The following PKHD1 variants were observed in gnomAD, a reference collection of about 807,000 sequenced individuals.
The protein encoded by PKHD1 is PKHD1 ciliary IPT domain containing fibrocystin/polyductin.
Under a neutral mutation model 412.0 loss-of-function variants are expected in PKHD1, and 291 were observed. The ratio of observed to expected loss-of-function variants is 0.71; its 90% confidence interval spans 0.64 to 0.78. The LOEUF is 0.78. PKHD1 is among the 30% of genes least tolerant of loss of function. The pLI is 0.00. For synonymous variants in PKHD1, 1,777 were observed against 1,821.5 expected (o/e 0.98, Z 0.62); for missense variants, 4,825 against 4,950.7 (o/e 0.97, Z 0.76).
At chr6:51,950,220 A>AAAAAATATATATATATAT in intron 36 of PKHD1, among the ~76,000 whole-genome samples, 3,806 of 97,490 alleles carry the variant, frequency 0.039, 138 homozygotes, top group South Asian at 0.082. Context: ...GAAAAAAAAA[A>AAAAAATATATATATATAT]ATATATATAT....
At position 51,744,529 on chromosome 6, in the gene PKHD1, T is replaced by C; in HGVS notation, c.10012A>G (p.Lys3338Glu). 1 of 1,612,982 alleles carries C rather than the reference T, an allele frequency of 6.2e-7. No individual in the cohort carries two copies. Among genetic ancestry groups the C allele is most frequent in the Non-Finnish European group, 8.5e-7 (1 of 1,178,998 alleles). The change falls in exon 60 of 67, where the codon AAA (lysine) becomes GAA (glutamate). Residue 3338 changes from lysine (K) to glutamate (E), a missense_variant. Lys to Glu is a moderately conservative substitution (Grantham distance 56, BLOSUM62 1). Coordinates refer to ENST00000371117, the MANE Select transcript of PKHD1 (RefSeq NM_138694.4). ...PSLQPRKDLG[K>E]VVCPELDCAS... ...CAGTCTAATTCAGGACAGACTACTT[T>C]TCCTAAATCTTTCCTGTGAAGACAG...
rs954476117 is a variant in PKHD1, at chr6:51,906,201, C to T, written c.6808+14G>A. ...CACAAGAATGCAGAAATTCAACAAG[C>T]TTGTTTTACTTACCAACTAGCAGCG... On this transcript the variant is annotated intron_variant, in intron 41 of 66. Transcript: ENST00000371117. The T allele has an allele frequency of 6.2e-7, 1 of 1,608,782 alleles. No homozygotes were observed. The highest frequency in any genetic ancestry group is 8.5e-7 in the Non-Finnish European group (1 of 1,175,712).
In PKHD1 at chr6:51,616,689, A is replaced by G. The variant is rs1232073943; in HGVS notation, c.*2392T>C. On this transcript the variant is annotated 3_prime_UTR_variant, in exon 67 of 67. Coordinates refer to ENST00000371117, the MANE Select transcript of PKHD1 (RefSeq NM_138694.4). ...AGAGTCAATTCTGGCCTCAGGGATCACAGGCTTTTCTGGGATGGAATTAGT... is the reference window on the plus strand; with the variant it reads ...AGAGTCAATTCTGGCCTCAGGGATCGCAGGCTTTTCTGGGATGGAATTAGT... The G allele has an allele frequency of 1.3e-5, 5 of 398,380 alleles. No homozygotes were observed. The highest frequency in any genetic ancestry group is 4.4e-6 in the Non-Finnish European group (1 of 225,988). The allele number at this position is 398,380 out of a possible 1,614,324, so 24.7% of individuals were successfully genotyped here.
At chr6:51,658,086 C>T (rs2150407169) in intron 61 of PKHD1, among the ~76,000 whole-genome samples, 1 of 152,208 alleles carries the variant, frequency 6.6e-6, no homozygotes, top group Middle Eastern at 3.4e-3. Context: ...TTCTAATTCT[C>T]ATACCACCAT....
chr6:51,760,793 G>C (rs1787869688), intron 55 of PKHD1, among the ~76,000 whole-genome samples: 1 of 152,006 alleles, frequency 6.6e-6, no homozygotes, highest in Admixed American at 6.6e-5. Context: ...AAGGTTTAGG[G>C]CCTGGAGAAA....
intron 34 of PKHD1, among the ~76,000 whole-genome samples, chr6:52,014,866 C>T (rs1453246597): frequency 6.6e-6 from 1 of 152,092 alleles, no homozygotes; most frequent in Non-Finnish European, 1.5e-5. Flanking sequence ...CACAGATGCA[C>T]TTCTCCCTTT....
intron 52 of PKHD1, among the ~76,000 whole-genome samples, chr6:51,829,074 T>C (rs942071218): frequency 1.3e-5 from 2 of 152,192 alleles, no homozygotes; most frequent in Non-Finnish European, 2.9e-5. Context: ...GTGTATGTTT[T>C]AAAATTCTTA....
At chr6:51,794,047 CTTTTT>C (rs58801569) in intron 52 of PKHD1, among the ~76,000 whole-genome samples, 16 of 124,132 alleles carry the variant, frequency 1.3e-4, no homozygotes, top group Admixed American at 1.7e-4. Flanking sequence ...TGCTTTTTGA[CTTTTT>C]TTTTTTTTTT....
At chr6:51,934,555 AT>A (rs1787175765) in intron 36 of PKHD1, among the ~76,000 whole-genome samples, 1 of 152,106 alleles carries the variant, frequency 6.6e-6, no homozygotes. Context: ...GCTTTATTAC[AT>A]TTTCATGACA....
At chr6:51,683,564 G>C (rs1019560870) in intron 60 of PKHD1, among the ~76,000 whole-genome samples, 1 of 152,016 alleles carries the variant, frequency 6.6e-6, no homozygotes, top group Non-Finnish European at 1.5e-5. Flanking sequence ...TGTGTACTAT[G>C]GTCTGCATAT....
intron 27 of PKHD1, among the ~76,000 whole-genome samples, chr6:52,041,508 T>G (rs1804887217): frequency 6.6e-6 from 1 of 152,140 alleles, no homozygotes; most frequent in Non-Finnish European, 1.5e-5. Flanking sequence ...GATTAACTCA[T>G]AGGTGGCAGG....
Position 51,859,928 on chromosome 6 carries a change from T to A in PKHD1, c.7734-3858A>T, listed in dbSNP as rs182718212. On this transcript the variant is annotated intron_variant, in intron 48 of 66. Coordinates refer to ENST00000371117, the MANE Select transcript of PKHD1 (RefSeq NM_138694.4). Reference sequence around the variant, plus strand: ...TTCTAGTCAGAATCCAATAATCTGATGCAAACTCCTTGGCCAACCAGAGAC... The same window carrying A: ...TTCTAGTCAGAATCCAATAATCTGAAGCAAACTCCTTGGCCAACCAGAGAC... Among the ~76,000 whole-genome samples the A allele has an allele frequency of 2.0e-5, 3 of 152,332 alleles. No individual in the cohort carries two copies. The East Asian group carries it at 5.8e-4, about 29-fold the overall frequency.
chr6:51,947,016 T>C (rs1789557801), intron 36 of PKHD1, among the ~76,000 whole-genome samples: 3 of 152,208 alleles, frequency 2.0e-5, no homozygotes, highest in South Asian at 4.1e-4. Flanking sequence ...TACCATACAA[T>C]ACTAGTCTTC....
intron 52 of PKHD1, among the ~76,000 whole-genome samples, chr6:51,826,195 G>T (rs1767284778): frequency 6.6e-6 from 1 of 152,058 alleles, no homozygotes; most frequent in Non-Finnish European, 1.5e-5. Flanking sequence ...ATTACATATT[G>T]CCATCTTTGA....
At chr6:52,076,366 T>C (rs986781011) in intron 5 of PKHD1, 33 bp from the exon 6 acceptor site, 1 of 1,545,918 alleles carries the variant, frequency 6.5e-7, no homozygotes, top group Non-Finnish European at 8.9e-7. Context: ...AGTGAGCATG[T>C]CATTAAAATA....
chr6:51,861,192 C>A (rs1049983021), intron 48 of PKHD1, among the ~76,000 whole-genome samples: 3 of 152,088 alleles, frequency 2.0e-5, no homozygotes, highest in African/African-American at 7.2e-5. Context: ...GTCAAAGTAC[C>A]AATTTACCAT....
chr6:51,796,736 G>A (rs760451237), intron 52 of PKHD1, among the ~76,000 whole-genome samples: 21 of 151,372 alleles, frequency 1.4e-4, no homozygotes, highest in Non-Finnish European at 2.8e-4. Flanking sequence ...TTTGATTTCT[G>A]CCTTAATTTC....
intron 60 of PKHD1, among the ~76,000 whole-genome samples, chr6:51,675,521 T>C (rs1461599245): frequency 6.6e-6 from 1 of 152,128 alleles, no homozygotes; most frequent in Non-Finnish European, 1.5e-5. Flanking sequence ...GTTTATTCAG[T>C]TAGTAGCACA....
intron 60 of PKHD1, among the ~76,000 whole-genome samples, chr6:51,735,325 A>T (rs753934535): frequency 2.0e-5 from 3 of 152,164 alleles, no homozygotes; most frequent in African/African-American, 4.8e-5. Flanking sequence ...CTATTTTCCC[A>T]AATGTGAAGG....
Sources: allele counts gnomAD v4.1 joint callset (sites outside exome capture counted in the v4.1 genomes callset), GRCh38; gene constraint gnomAD v4.1.1; transcripts MANE v1.5; gene names NCBI Gene and HGNC (gene_info 2026-07-23, HGNC 2026-07-21).